The following FAM181A variants were observed in gnomAD, a reference collection of about 807,000 sequenced individuals.
FAM181A encodes the protein family with sequence similarity 181 member A.
A neutral mutation model predicts 16.3 loss-of-function variants in FAM181A; 7 were observed. The observed-to-expected ratio is 0.43, with a 90% confidence interval of 0.24 to 0.81. The LOEUF (loss-of-function observed/expected upper bound fraction) is 0.81, where lower values mean the gene tolerates loss of function less well. Ranked by LOEUF, FAM181A falls within the 30% of genes least tolerant of loss-of-function variation. The pLI is 0.24. For synonymous variants in FAM181A, 183 were observed against 164.9 expected (o/e 1.11, Z -0.84); for missense variants, 349 against 377.5 (o/e 0.92, Z 0.63).
At position 93,928,991 on chromosome 14, in the gene FAM181A, G is replaced by T; in HGVS notation, c.706G>T (p.Val236Phe). 6.2e-7 allele frequency: 1 copy of T among 1,612,348 alleles called. No homozygotes were observed. Among genetic ancestry groups the T allele is most frequent in the Non-Finnish European group, 8.5e-7 (1 of 1,179,040 alleles). ...GPLGALPQSP[V>F]PSLGLWRKSP... ...CCTGGGGGCACTGCCTCAGAGTCCT[G>T]TCCCCAGCCTGGGCCTTTGGAGGAA... is the stretch of plus-strand genomic sequence containing the variant. The change falls in exon 2 of 2, where the codon GTC becomes TTC. Residue 236 changes from valine to phenylalanine, a missense_variant. By Grantham distance (50) the Val-to-Phe change is conservative. Transcript: ENST00000556222.
chr14:93,921,801 G>A (rs1887736956), intron 1 of FAM181A, among the ~76,000 whole-genome samples: 1 of 152,044 alleles, frequency 6.6e-6, no homozygotes, highest in East Asian at 1.9e-4. Context: ...CACAGTTGTC[G>A]GTGGGAGCAG....
At position 93,929,224 on chromosome 14, in the gene FAM181A, G is replaced by A; in HGVS notation, c.*60G>A. On this transcript the variant is annotated 3_prime_UTR_variant, in exon 2 of 2. Transcript: ENST00000556222. Reference sequence around the variant, plus strand: ...CTGCAGGAGTGTCGAGGTCCCCGAGGCGCTCTCCTGTGAGGAGGTGGCTGG... The same window carrying A: ...CTGCAGGAGTGTCGAGGTCCCCGAGACGCTCTCCTGTGAGGAGGTGGCTGG... The A allele has an allele frequency of 6.7e-7, 1 of 1,496,126 alleles. No homozygotes were observed. Among genetic ancestry groups the A allele is most frequent in the South Asian group, 1.4e-5 (1 of 72,382 alleles). The allele number at this position is 1,496,126 out of a possible 1,614,324, so 92.7% of individuals were successfully genotyped here. A position where few individuals can be genotyped will look rare whatever the true frequency, so the allele number is the denominator to read the frequency against.
At position 93,927,376 on chromosome 14, in the gene FAM181A, C is replaced by A. The variant is rs781009657; in HGVS notation, c.-166C>A. 4.8e-5 allele frequency: 54 copies of A among 1,133,662 alleles called. No individual in the cohort carries two copies. Among genetic ancestry groups the A allele is most frequent in the Non-Finnish European group, 5.7e-5 (52 of 912,948 alleles). 70.2% of individuals were successfully genotyped at this position (1,133,662 alleles called of 1,614,324 possible). On this transcript the variant is annotated 5_prime_UTR_variant, in exon 1 of 2. Transcript: ENST00000556222. ...TGCTTCCAGCCGGACGGAGCTCGGC[C>A]GGCTGCGCCGGGGCCTGTCCCAGGT... is the stretch of plus-strand genomic sequence containing the variant.
upstream of FAM181A, chr14:93,927,326 T>G: frequency 9.2e-7 from 1 of 1,088,970 alleles, no homozygotes; most frequent in Non-Finnish European, 1.1e-6. Flanking sequence ...TGTCCTCCAT[T>G]CAGCCCACTC....
Position 93,929,330 on chromosome 14 carries a change from T to C in FAM181A, c.*166T>C. 1.0e-6 allele frequency: 1 copy of C among 971,344 alleles called. No individual in the cohort carries two copies. The highest frequency in any genetic ancestry group is 1.4e-6 in the Non-Finnish European group (1 of 711,748). 60.2% of individuals were successfully genotyped at this position (971,344 alleles called of 1,614,324 possible). On this transcript the variant is annotated 3_prime_UTR_variant, in exon 2 of 2. Transcript: ENST00000556222. The stretch of plus-strand genomic sequence containing the variant: ...GGCAGGGCTCCTCAGGCAGTGACCC[T>C]TCAGCCTTGCAGCCTTGGAAGCTGG...
intron 1 of FAM181A, 29 bp downstream of exon 1, chr14:93,927,483 C>T (rs1887953721): frequency 7.9e-7 from 1 of 1,260,268 alleles, no homozygotes; most frequent in Non-Finnish European, 1.0e-6. Context: ...TGGCTCTGGC[C>T]CGACTGGGTG....
upstream of FAM181A, chr14:93,925,190 G>A (rs576713689): frequency 3.6e-5 from 47 of 1,322,310 alleles, no homozygotes; most frequent in South Asian, 4.7e-4. Context: ...AGCGGGCAGT[G>A]CAGAATGGGC....
upstream of FAM181A, chr14:93,926,896 G>T (rs557733707): frequency 2.0e-5 from 3 of 152,458 alleles, no homozygotes; most frequent in African/African-American, 7.2e-5. The surrounding 1 kb of genome is among the most constrained non-coding windows in gnomAD (Gnocchi z 5.2). Context: ...AGCGGGAAAA[G>T]CAGCCCGCCC....
intron 1 of FAM181A, among the ~76,000 whole-genome samples, chr14:93,919,366 C>T (rs996058668): frequency 6.6e-6 from 1 of 152,194 alleles, no homozygotes; most frequent in African/African-American, 2.4e-5. Flanking sequence ...GCTTGGGTTG[C>T]ACTTCAGCTT....
Position 93,929,343 on chromosome 14 carries a change from C to A in FAM181A, c.*179C>A. 1 of 875,446 alleles carries A rather than the reference C, an allele frequency of 1.1e-6. No individual in the cohort carries two copies. 54.2% of individuals were successfully genotyped at this position (875,446 alleles called of 1,614,324 possible). ...AGGCAGTGACCCTTCAGCCTTGCAG[C>A]CTTGGAAGCTGGGAGGCTGGACCTG... On this transcript the variant is annotated 3_prime_UTR_variant, in exon 2 of 2. Transcript: ENST00000556222.
chr14:93,927,098 G>A (rs1887936664), upstream of FAM181A: 1 of 187,626 alleles, frequency 5.3e-6, no homozygotes, highest in Middle Eastern at 2.4e-3. Context: ...TGAGGTCAAG[G>A]GGAGGAGGGG....
chr14:93,927,466 G>A lies in FAM181A; in HGVS notation c.-88+12G>A. On this transcript the variant is annotated intron_variant, in intron 1 of 1. Transcript: ENST00000556222. The stretch of plus-strand genomic sequence containing the variant: ...GGGCCGCACCTTCGGTCAGTGTGGA[G>A]GCCCGGTGGCTCTGGCCCGACTGGG... 1.8e-5 allele frequency: 23 copies of A among 1,245,468 alleles called. No homozygotes were observed. Among genetic ancestry groups the A allele is most frequent in the Non-Finnish European group, 2.3e-5 (22 of 963,498 alleles). 77.2% of individuals were successfully genotyped at this position (1,245,468 alleles called of 1,614,324 possible). A position where few individuals can be genotyped will look rare whatever the true frequency, so the allele number is the denominator to read the frequency against.
upstream of FAM181A, chr14:93,924,101 A>G (rs1887818465): frequency 6.6e-6 from 1 of 152,254 alleles, no homozygotes; most frequent in Non-Finnish European, 1.5e-5. Context: ...GAATGGGCAA[A>G]GTATTTAATT....
Position 93,929,235 on chromosome 14 carries a change from T to C in FAM181A, c.*71T>C, listed in dbSNP as rs916288074. The C allele has an allele frequency of 2.0e-5, 30 of 1,487,818 alleles. No individual in the cohort carries two copies. In the African/African-American group the frequency reaches 3.9e-4, roughly 19 times the overall value. The allele number at this position is 1,487,818 out of a possible 1,614,324, so 92.2% of individuals were successfully genotyped here. A position where few individuals can be genotyped will look rare whatever the true frequency, so the allele number is the denominator to read the frequency against. On this transcript the variant is annotated 3_prime_UTR_variant, in exon 2 of 2. Transcript: ENST00000556222. ...TCGAGGTCCCCGAGGCGCTCTCCTG[T>C]GAGGAGGTGGCTGGGCCACAGTGTG... is the stretch of plus-strand genomic sequence containing the variant.
In FAM181A at chr14:93,928,207, G is replaced by C; in HGVS notation, c.-79G>C. ...CCTGTTTTGTCCCCCAGGTCAGCTC[G>C]GTGCCCTTCCTTGGAGCTGCCGGCC... On this transcript the variant is annotated 5_prime_UTR_variant, in exon 2 of 2. Coordinates refer to ENST00000556222, the MANE Select transcript of FAM181A (RefSeq NM_001207073.2). 3 of 1,612,786 alleles carry C rather than the reference G, an allele frequency of 1.9e-6. No individual in the cohort carries two copies. Among genetic ancestry groups the C allele is most frequent in the Non-Finnish European group, 2.5e-6 (3 of 1,179,548 alleles).
chr14:93,929,032 C>T lies in FAM181A; in HGVS notation c.747C>T (p.Pro249=), dbSNP rs200855077. ...LGLWRKSPAF[P]GELAHLCKDV... is the part of the protein sequence containing the mutation. Reference sequence around the variant, plus strand: ...TTTGGAGGAAGAGCCCAGCCTTTCCCGGGGAGCTGGCGCACCTCTGCAAGG... The same window carrying T: ...TTTGGAGGAAGAGCCCAGCCTTTCCTGGGGAGCTGGCGCACCTCTGCAAGG... The change falls in exon 2 of 2, where the codon CCC becomes CCT. Residue 249 remains proline, a synonymous_variant. Transcript: ENST00000556222. The T allele has an allele frequency of 1.1e-4, 183 of 1,605,108 alleles. No homozygotes were observed. The highest frequency in any genetic ancestry group is 1.0e-3 in the African/African-American group (75 of 74,742).
chr14:93,929,128 G>A lies in FAM181A; in HGVS notation c.843G>A (p.Val281=). Residue 281 remains valine (V), a synonymous_variant, in exon 2 of 2, where the codon GTG becomes GTA. Coordinates refer to ENST00000556222, the MANE Select transcript of FAM181A (RefSeq NM_001207073.2). ...AACCCATCCCCACCAAGCCAGCCGT[G>A]CCCCCACCCATCTTCAATGTCTTTG... ...VLKPIPTKPA[V]PPPIFNVFGY... 6.6e-7 allele frequency: 1 copy of A among 1,522,802 alleles called. No homozygotes were observed. The highest frequency in any genetic ancestry group is 8.8e-7 in the Non-Finnish European group (1 of 1,137,052). 94.3% of individuals were successfully genotyped at this position (1,522,802 alleles called of 1,614,324 possible).
intron 1 of FAM181A, 87 bp downstream of exon 1, chr14:93,927,541 G>A (rs1035394539): frequency 2.3e-6 from 3 of 1,284,396 alleles, no homozygotes; most frequent in Non-Finnish European, 3.0e-6. Context: ...GAGGTGCCGT[G>A]GGTGGCGGCC....
Position 93,929,039 on chromosome 14 carries a change from C to T in FAM181A, c.754C>T (p.Leu252=). The T allele has an allele frequency of 6.2e-7, 1 of 1,603,296 alleles. No individual in the cohort carries two copies. Among genetic ancestry groups the T allele is most frequent in the South Asian group, 1.1e-5 (1 of 90,140 alleles). Residue 252 remains leucine, a synonymous_variant, in exon 2 of 2, where the codon CTG becomes TTG. Coordinates refer to ENST00000556222, the MANE Select transcript of FAM181A (RefSeq NM_001207073.2). The part of the protein sequence containing the change: ...WRKSPAFPGE[L]AHLCKDVDGL... ...GAAGAGCCCAGCCTTTCCCGGGGAG[C>T]TGGCGCACCTCTGCAAGGATGTGGA...
Sources: allele counts gnomAD v4.1 joint callset (sites outside exome capture counted in the v4.1 genomes callset), GRCh38; gene constraint gnomAD v4.1.1; non-coding constraint Gnocchi (gnomAD v3.1); transcripts MANE v1.5; gene names NCBI Gene and HGNC (gene_info 2026-07-23, HGNC 2026-07-21).